The following NDUFA10 variants were observed in gnomAD, a reference collection of about 807,000 sequenced individuals.
NDUFA10 encodes NADH:ubiquinone oxidoreductase subunit A10, also known as NADH dehydrogenase [ubiquinone] 1 alpha subcomplex subunit 10, mitochondrial.
In NDUFA10, 40 loss-of-function variants were observed where a neutral mutation model predicts 47.8. The observed-to-expected ratio is 0.84, with a 90% confidence interval of 0.65 to 1.09. The LOEUF (loss-of-function observed/expected upper bound fraction) is 1.09, where lower values mean the gene tolerates loss of function less well. Ranked by LOEUF, NDUFA10 falls within the 50% of genes least tolerant of loss-of-function variation. The pLI is 0.00. For missense variants in NDUFA10, 413 were observed against 451.1 expected (o/e 0.92, Z 0.76); for synonymous variants, 183 against 172.2 (o/e 1.06, Z -0.49).
chr2:239,934,844 T>A lies in NDUFA10; in HGVS notation c.295-39530A>T, dbSNP rs147779225. Among the ~76,000 whole-genome samples the A allele has an allele frequency of 2.4e-3, 372 of 152,286 alleles. 3 individuals are homozygous for A. The highest frequency in any genetic ancestry group is 8.3e-3 in the African/African-American group (344 of 41,568). ...CAGCCACCTCCGCCCCCACCCGTTT[T>A]CCACACATGGGCCTGCAACTCAGAC... On this transcript the variant is annotated intron_variant, in intron 4 of 5. Transcript: ENST00000419408.
chr2:239,915,249 ACACAAC>A (rs1261001049), intron 4 of NDUFA10, among the ~76,000 whole-genome samples: 1 of 51,556 alleles, frequency 1.9e-5, no homozygotes, highest in African/African-American at 7.4e-5. Flanking sequence ...AAACATACAC[ACACAAC>A]ACACACACAT....
At chr2:239,893,029 G>A (rs911233442) in intron 5 of NDUFA10, among the ~76,000 whole-genome samples, 5 of 152,114 alleles carry the variant, frequency 3.3e-5, no homozygotes, top group Non-Finnish European at 5.9e-5. Context: ...TTGGGGAGCC[G>A]GGACCCTCAC....
In NDUFA10 at chr2:239,996,803, T is replaced by G. The variant is rs571603399; in HGVS notation, c.891-6621A>C. Among the ~76,000 whole-genome samples, 12 of 149,084 alleles carry G rather than the reference T, an allele frequency of 8.0e-5. No homozygotes were observed. In the South Asian group the frequency reaches 2.6e-3, roughly 32 times the overall value. On this transcript the variant is annotated intron_variant, in intron 8 of 9. Coordinates refer to ENST00000252711, the MANE Select transcript of NDUFA10 (RefSeq NM_004544.4). ...AACTTTCTTAAAACATTGTGAGTTT[T>G]TTTGCCTTTTTTTTTTTTTAACTCA...
chr2:240,014,569 G>A lies in NDUFA10; in HGVS notation c.669+170C>T, dbSNP rs571511981. The A allele has an allele frequency of 1.2e-5, 13 of 1,090,268 alleles. No individual in the cohort carries two copies. In the East Asian group the frequency reaches 2.5e-4, roughly 21 times the overall value. 67.5% of individuals were successfully genotyped at this position (1,090,268 alleles called of 1,614,324 possible). On this transcript the variant is annotated intron_variant, in intron 5 of 9. Transcript: ENST00000252711. Reference sequence around the variant, plus strand: ...GCTGTGGCACCAGGCCGAGCCATGGGGTCTCCCCTCCACCCCTGCAGATGC... The same window carrying A: ...GCTGTGGCACCAGGCCGAGCCATGGAGTCTCCCCTCCACCCCTGCAGATGC...
At chr2:239,899,327 C>G (rs113167808) in intron 4 of NDUFA10, among the ~76,000 whole-genome samples, 3 of 4,626 alleles carry the variant, frequency 6.5e-4, no homozygotes, top group African/African-American at 2.0e-3. Flanking sequence ...GGAGGGGAGT[C>G]ATGGAGGGGT....
Position 239,961,752 on chromosome 2 carries a change from G to A in NDUFA10, c.1000-566C>T, listed in dbSNP as rs372857151. Among the ~76,000 whole-genome samples the A allele has an allele frequency of 5.9e-5, 9 of 152,338 alleles. No homozygotes were observed. In the East Asian group the frequency reaches 1.7e-3, roughly 29 times the overall value. On this transcript the variant is annotated intron_variant, in intron 9 of 9. Coordinates refer to ENST00000252711, the MANE Select transcript of NDUFA10 (RefSeq NM_004544.4). ...GTTCAGGAAAACCAGCAAAGGAGGG[G>A]GAAGCACTGCAGGACTGACCCTAGC... is the stretch of plus-strand genomic sequence containing the variant.
At chr2:239,921,468 C>A (rs911400836) in intron 4 of NDUFA10, among the ~76,000 whole-genome samples, 1 of 152,138 alleles carries the variant, frequency 6.6e-6, no homozygotes, top group Non-Finnish European at 1.5e-5. Context: ...ATCAGAGTGC[C>A]CTTTTTTCAA....
At chr2:239,937,858 G>A (rs1180461494) in intron 4 of NDUFA10, among the ~76,000 whole-genome samples, 2 of 152,150 alleles carry the variant, frequency 1.3e-5, no homozygotes, top group Non-Finnish European at 2.9e-5. Context: ...AGCCATTCTG[G>A]TGGAAGCCCG....
chr2:240,014,647 G>A lies in NDUFA10; in HGVS notation c.669+92C>T, dbSNP rs970245700. 4.2e-5 allele frequency: 66 copies of A among 1,571,166 alleles called. 1 individual carries two copies. The Admixed American group carries it at 1.0e-3, about 24-fold the overall frequency. On this transcript the variant is annotated intron_variant, in intron 5 of 9. Transcript: ENST00000252711. ...GTCACCCTCCTCGTGAGGACTGGTA[G>A]GAATTAGTATAAATGCTATTAAAAC...
chr2:240,014,751 C>T lies in NDUFA10; in HGVS notation c.657G>A (p.Gln219=). The change falls in exon 5 of 10, where the codon CAG becomes CAA. Residue 219 remains glutamine (Q), a synonymous_variant. Coordinates refer to ENST00000252711, the MANE Select transcript of NDUFA10 (RefSeq NM_004544.4). ...AAAACTGCATTACATCTCCTTTCTTCTGAATCCGCCTCTGGACCTCTGGAA... is the reference window on the plus strand; with the variant it reads ...AAAACTGCATTACATCTCCTTTCTTTTGAATCCGCCTCTGGACCTCTGGAA... ...VPVPEVQRRI[Q]KKGDPHEMKI... The T allele has an allele frequency of 4.3e-6, 7 of 1,614,250 alleles. No individual in the cohort carries two copies. The highest frequency in any genetic ancestry group is 5.9e-6 in the Non-Finnish European group (7 of 1,180,048).
chr2:239,956,729 G>A (rs142763607), downstream of NDUFA10, among the ~76,000 whole-genome samples: 813 of 152,336 alleles, frequency 5.3e-3, 4 homozygotes, highest in South Asian at 0.016. Context: ...AGAGTGTGGA[G>A]ACAAACGCGC....
Position 239,928,632 on chromosome 2 carries a change from G to A in NDUFA10, c.295-33318C>T, listed in dbSNP as rs1213644796. 1.3e-5 allele frequency among the ~76,000 whole-genome samples: 2 copies of A among 152,100 alleles called. No individual in the cohort carries two copies. Among genetic ancestry groups the A allele is most frequent in the East Asian group, 1.9e-4 (1 of 5,168 alleles). Reference sequence around the variant, plus strand: ...GGTGACCTCATCCAGGGCCCTGGGGGACACTCTCACCTGTGATTCCCAAGC... The same window carrying A: ...GGTGACCTCATCCAGGGCCCTGGGGAACACTCTCACCTGTGATTCCCAAGC... On this transcript the variant is annotated intron_variant, in intron 4 of 5. Transcript: ENST00000419408. This position sits in a 1 kb window ranked among gnomAD's most constrained non-coding sequence, Gnocchi z 4.3.
At chr2:239,914,438 CAG>C (rs1411073330) in intron 4 of NDUFA10, among the ~76,000 whole-genome samples, 19 of 148,346 alleles carry the variant, frequency 1.3e-4, no homozygotes, top group South Asian at 8.6e-4. Context: ...CAGAGACACA[CAG>C]AGATACACAC....
chr2:239,994,081 G>A (rs1559367183), intron 8 of NDUFA10, among the ~76,000 whole-genome samples: 1 of 152,080 alleles, frequency 6.6e-6, no homozygotes, highest in African/African-American at 2.4e-5. Context: ...AAGTGCTGTG[G>A]AACAGACAAA....
chr2:240,011,494 T>A, intron 6 of NDUFA10, 123 bp downstream of exon 6: 1 of 758,656 alleles, frequency 1.3e-6, no homozygotes, highest in South Asian at 1.5e-5. Context: ...AAACATCAGA[T>A]TAAACATCTC....
At chr2:239,983,450 C>G (rs1695866960) in intron 9 of NDUFA10, 2 of 1,517,438 alleles carry the variant, frequency 1.3e-6, no homozygotes, top group African/African-American at 2.8e-5. Flanking sequence ...TTCAACTGAT[C>G]ATTTTTTAAT....
At chr2:239,935,545 G>A (rs1291775526) in intron 4 of NDUFA10, among the ~76,000 whole-genome samples, 1 of 152,150 alleles carries the variant, frequency 6.6e-6, no homozygotes, top group Non-Finnish European at 1.5e-5. Flanking sequence ...GGGACTCCCT[G>A]GCTGTCTCAC....
At chr2:239,913,314 C>T (rs1446290644) in intron 4 of NDUFA10, among the ~76,000 whole-genome samples, 2 of 152,244 alleles carry the variant, frequency 1.3e-5, no homozygotes, top group Admixed American at 6.5e-5. Context: ...CCTCCGAGGA[C>T]GCTGGCCTAG....
intron 4 of NDUFA10, among the ~76,000 whole-genome samples, chr2:239,920,831 T>G (rs960240638): frequency 1.3e-5 from 2 of 152,104 alleles, no homozygotes; most frequent in African/African-American, 4.8e-5. Flanking sequence ...TGAACACAGT[T>G]CCTAGAAGGC....
Sources: allele counts gnomAD v4.1 joint callset (sites outside exome capture counted in the v4.1 genomes callset), GRCh38; gene constraint gnomAD v4.1.1; non-coding constraint Gnocchi (gnomAD v3.1); transcripts MANE v1.5; gene names NCBI Gene and HGNC (gene_info 2026-07-23, HGNC 2026-07-21).